The following CPEB4 variants were observed in gnomAD, a reference collection of about 807,000 sequenced individuals.
CPEB4 encodes cytoplasmic polyadenylation element-binding protein 4.
CPEB4 carries 12 observed loss-of-function variants against 72.5 expected under a neutral mutation model. The ratio of observed to expected loss-of-function variants is 0.17; its 90% CI spans 0.11 to 0.27. The LOEUF is 0.27. Among genes scored for constraint, CPEB4 ranks in the 10% least tolerant of loss-of-function variants. The probability of loss-of-function intolerance (pLI) is 1.00; values close to 1 mark genes in which losing one functional copy is unlikely to be tolerated. For missense variants in CPEB4, 614 were observed against 908.5 expected, an observed-to-expected ratio of 0.68 and a Z score of 4.17; for synonymous variants, 302 against 326.3, an observed-to-expected ratio of 0.93 and a Z score of 0.80.
At chr5:173,945,485 T>TC (rs398109690) in intron 5 of CPEB4, among the ~76,000 whole-genome samples, 1 of 152,058 alleles carries the variant, frequency 6.6e-6, no homozygotes, top group Non-Finnish European at 1.5e-5. Flanking sequence ...TTTTCCTTTT[T>TC]CCCCCCACAT....
At chr5:173,902,137 T>C (rs545697314) in intron 1 of CPEB4, among the ~76,000 whole-genome samples, 1 of 152,226 alleles carries the variant, frequency 6.6e-6, no homozygotes, top group Non-Finnish European at 1.5e-5. Context: ...TAGTTACCTT[T>C]GATTAATTAT....
chr5:173,897,134 C>T (rs1036278167), intron 1 of CPEB4, among the ~76,000 whole-genome samples: 1 of 152,002 alleles, frequency 6.6e-6, no homozygotes, highest in African/African-American at 2.4e-5. Flanking sequence ...TAGATGCAAC[C>T]CCAGACAGAT....
In CPEB4 at chr5:173,896,825, C is replaced by T. The variant is rs963040514; in HGVS notation, c.1125+5967C>T. On this transcript the variant is annotated intron_variant, in intron 1 of 9. Coordinates refer to ENST00000265085, the MANE Select transcript of CPEB4 (RefSeq NM_030627.4). The stretch of plus-strand genomic sequence containing the variant: ...CTGTGATCCTAGTACTTTGGGAGGC[C>T]GAGGTGGACGGATCACTTGAGCCCA... Among the ~76,000 whole-genome samples, 10 of 152,060 alleles carry T rather than the reference C, an allele frequency of 6.6e-5. No individual in the cohort carries two copies. In the East Asian group the frequency reaches 7.7e-4, roughly 12 times the overall value.
intron 3 of CPEB4, among the ~76,000 whole-genome samples, chr5:173,933,738 G>C (rs956252966): frequency 6.6e-6 from 1 of 152,086 alleles, no homozygotes; most frequent in Non-Finnish European, 1.5e-5. Context: ...CCAAGATTGG[G>C]GATATTACTG....
chr5:173,936,785 C>T (rs542258814), intron 3 of CPEB4, among the ~76,000 whole-genome samples: 65 of 151,830 alleles, frequency 4.3e-4, no homozygotes, highest in Middle Eastern at 3.4e-3. Flanking sequence ...ACCACCACCA[C>T]CTCTGTATAA....
In CPEB4 at chr5:173,939,671, C is replaced by T. The variant is rs370707063; in HGVS notation, c.1259-3355C>T. Among the ~76,000 whole-genome samples the T allele has an allele frequency of 5.5e-4, 83 of 150,674 alleles. 1 individual carries two copies. The highest frequency in any genetic ancestry group is 7.0e-3 in the Middle Eastern group (2 of 284). ...GCATTTGTAAGCAATCCTGTAAAGA[C>T]GTTTTAGAAATAAAGTATATCAATA... On this transcript the variant is annotated intron_variant, in intron 3 of 9. Coordinates refer to ENST00000265085, the MANE Select transcript of CPEB4 (RefSeq NM_030627.4).
At chr5:173,902,146 A>C (rs1382273709) in intron 1 of CPEB4, among the ~76,000 whole-genome samples, 1 of 152,214 alleles carries the variant, frequency 6.6e-6, no homozygotes, top group Non-Finnish European at 1.5e-5. Context: ...TTGATTAATT[A>C]TGGGCTCTAC....
At position 173,889,216 on chromosome 5, in the gene CPEB4, T is replaced by TA. The variant is rs1474399454; in HGVS notation, c.-516dup. ...TCTTAAATTATTCCTGATTTTTTTT[T>TA]AACCAAGCTGCCAAGAAAAGAACGT... On this transcript the variant is annotated 5_prime_UTR_variant, in exon 1 of 10. Transcript: ENST00000265085. 2 of 151,506 alleles carry TA rather than the reference T, an allele frequency of 1.3e-5. No individual in the cohort carries two copies. The highest frequency in any genetic ancestry group is 4.8e-5 in the African/African-American group (2 of 41,302). The allele number at this position is 151,506 out of a possible 1,614,324, so 9.4% of individuals were successfully genotyped here.
At chr5:173,944,838 T>C in intron 4 of CPEB4, 129 bp from the exon 5 acceptor site, 1 of 768,886 alleles carries the variant, frequency 1.3e-6, no homozygotes, top group Non-Finnish European at 2.1e-6. Context: ...TAGCTAAGTG[T>C]TTCTATTATT....
In CPEB4 at chr5:173,958,777, C is replaced by T. The variant is rs1296144627; in HGVS notation, c.*2640C>T. 1 of 152,430 alleles carries T rather than the reference C, an allele frequency of 6.6e-6. No homozygotes were observed. The highest frequency in any genetic ancestry group is 1.5e-5 in the Non-Finnish European group (1 of 67,968). The allele number at this position is 152,430 out of a possible 1,614,324, so 9.4% of individuals were successfully genotyped here. A position where few individuals can be genotyped will look rare whatever the true frequency, so the allele number is the denominator to read the frequency against. On this transcript the variant is annotated 3_prime_UTR_variant, in exon 10 of 10. Coordinates refer to ENST00000265085, the MANE Select transcript of CPEB4 (RefSeq NM_030627.4). Reference sequence around the variant, plus strand: ...TTCTTACTAAGTTTTTAAAATTATTCATAAAATGCAGACATTTTTGGTGAA... The same window carrying T: ...TTCTTACTAAGTTTTTAAAATTATTTATAAAATGCAGACATTTTTGGTGAA...
At chr5:173,939,283 G>A (rs974227418) in intron 3 of CPEB4, among the ~76,000 whole-genome samples, 1 of 152,254 alleles carries the variant, frequency 6.6e-6, no homozygotes, top group South Asian at 2.1e-4. Context: ...GTACATGAAC[G>A]TGAGCCACAT....
intron 4 of CPEB4, among the ~76,000 whole-genome samples, chr5:173,943,893 T>C (rs1757930694): frequency 2.0e-5 from 3 of 152,206 alleles, no homozygotes; most frequent in Admixed American, 6.5e-5. Flanking sequence ...AGAAGATCCA[T>C]TAACAAATTC....
chr5:173,947,584 TATAAAA>T (rs371326290), intron 5 of CPEB4, among the ~76,000 whole-genome samples: 28 of 152,212 alleles, frequency 1.8e-4, no homozygotes, highest in Non-Finnish European at 1.2e-4. Flanking sequence ...AAAAAGAGAA[TATAAAA>T]ATAGAAAGGC....
intron 3 of CPEB4, among the ~76,000 whole-genome samples, chr5:173,933,808 C>T (rs1175573014): frequency 6.6e-6 from 1 of 152,098 alleles, no homozygotes; most frequent in African/African-American, 2.4e-5. Flanking sequence ...GAAGGTGTTC[C>T]TGTTGGATTA....
intron 3 of CPEB4, among the ~76,000 whole-genome samples, chr5:173,937,003 G>C (rs955615191): frequency 1.4e-5 from 2 of 143,886 alleles, no homozygotes; most frequent in African/African-American, 5.1e-5. Context: ...GGGTAGCACA[G>C]AACAACATTT....
chr5:173,942,664 G>A (rs1268865669), intron 3 of CPEB4, among the ~76,000 whole-genome samples: 1 of 152,214 alleles, frequency 6.6e-6, no homozygotes, highest in Non-Finnish European at 1.5e-5. Context: ...TTGCTAGTTA[G>A]CAGGGAATTC....
In CPEB4 at chr5:173,958,138, G is replaced by A. The variant is rs1014063261; in HGVS notation, c.*2001G>A. Reference sequence around the variant, plus strand: ...CCTACTCAGTAAACAGGTGTGATGAGTTAACAAGAAATAACACTGTTTGAG... The same window carrying A: ...CCTACTCAGTAAACAGGTGTGATGAATTAACAAGAAATAACACTGTTTGAG... On this transcript the variant is annotated 3_prime_UTR_variant, in exon 10 of 10. Coordinates refer to ENST00000265085, the MANE Select transcript of CPEB4 (RefSeq NM_030627.4). The A allele has an allele frequency of 6.5e-6, 1 of 152,720 alleles. No individual in the cohort carries two copies. The highest frequency in any genetic ancestry group is 1.5e-5 in the Non-Finnish European group (1 of 68,032). The allele number at this position is 152,720 out of a possible 1,614,324, so 9.5% of individuals were successfully genotyped here.
intron 2 of CPEB4, among the ~76,000 whole-genome samples, chr5:173,917,600 C>T (rs1756917923): frequency 6.6e-6 from 1 of 152,204 alleles, no homozygotes; most frequent in South Asian, 2.1e-4. Flanking sequence ...GTAGCGGGCG[C>T]CTGTAATCCC....
intron 3 of CPEB4, among the ~76,000 whole-genome samples, chr5:173,941,538 C>A (rs1757841272): frequency 6.6e-6 from 1 of 152,106 alleles, no homozygotes; most frequent in African/African-American, 2.4e-5. Flanking sequence ...AGAATAAAAA[C>A]CTTGACCAGT....
Sources: allele counts gnomAD v4.1 joint callset (sites outside exome capture counted in the v4.1 genomes callset), GRCh38; gene constraint gnomAD v4.1.1; transcripts MANE v1.5; gene names NCBI Gene and HGNC (gene_info 2026-07-23, HGNC 2026-07-21).